Variants in LRRC9 observed in about 807,000 individuals in gnomAD.
LRRC9 encodes the protein leucine-rich repeat-containing protein 9.
LRRC9 carries 122 observed loss-of-function variants against 63.2 expected under a neutral mutation model. The observed-to-expected ratio is 1.93, with a 90% CI of 1.67 to 2.24. LRRC9 has a LOEUF of 2.24. Ranked by LOEUF, LRRC9 falls within the 30% of genes most tolerant of loss-of-function variation. The pLI is 0.00. For missense variants in LRRC9, 1,071 were observed against 627.7 expected, an observed-to-expected ratio of 1.71 and a Z score of -7.55; for synonymous variants, 366 against 213.1, an observed-to-expected ratio of 1.72 and a Z score of -6.25.
chr14:59,944,354 T>C (rs1327882526), intron 7 of LRRC9, among the ~76,000 whole-genome samples: 1 of 151,932 alleles, frequency 6.6e-6, no homozygotes, highest in Non-Finnish European at 1.5e-5. Context: ...TAAATGTGAA[T>C]ACGCCTCACA....
intron 4 of LRRC9, 119 bp downstream of exon 4, chr14:59,931,177 T>C (rs987391316): frequency 6.8e-6 from 2 of 295,494 alleles, no homozygotes; most frequent in Non-Finnish European, 1.2e-5. Flanking sequence ...AGTACAATTA[T>C]TGTTGTCAAA....
chr14:60,064,982 T>G (rs931618058), downstream of LRRC9, among the ~76,000 whole-genome samples: 6 of 152,238 alleles, frequency 3.9e-5, no homozygotes, highest in Non-Finnish European at 7.4e-5. Flanking sequence ...TATTTTCTTT[T>G]AGCCATTTTT....
In LRRC9 at chr14:59,932,649, A is replaced by G. The variant is rs1020926024; in HGVS notation, c.543+610A>G. ...CCTTCATACCCTCATCCAATCCATC[A>G]GCAAGTACAACTGGGTGCACCTTCA... On this transcript the variant is annotated intron_variant, in intron 6 of 31. Transcript: ENST00000445360. This position sits in a 1 kb window ranked among gnomAD's most constrained non-coding sequence, Gnocchi z 4.7. Among the ~76,000 whole-genome samples, 11 of 152,140 alleles carry G rather than the reference A, an allele frequency of 7.2e-5. No individual in the cohort carries two copies. The highest frequency in any genetic ancestry group is 2.0e-4 in the Admixed American group (3 of 15,256).
At chr14:59,946,080 T>C (rs972776139) in intron 8 of LRRC9, among the ~76,000 whole-genome samples, 3 of 151,498 alleles carry the variant, frequency 2.0e-5, no homozygotes, top group African/African-American at 7.3e-5. Context: ...TAAAAGGATA[T>C]ATATAAAAAT....
At chr14:60,050,019 CAG>C (rs1479028911) in intron 29 of LRRC9, among the ~76,000 whole-genome samples, 6 of 150,884 alleles carry the variant, frequency 4.0e-5, no homozygotes, top group Non-Finnish European at 4.4e-5. Flanking sequence ...TTATTTGAGA[CAG>C]AGTCTCACTC....
intron 28 of LRRC9, among the ~76,000 whole-genome samples, chr14:60,029,039 A>G (rs1266429249): frequency 6.6e-6 from 1 of 152,110 alleles, no homozygotes; most frequent in Non-Finnish European, 1.5e-5. Context: ...AAAATAGTAT[A>G]CAACTAATTT....
chr14:60,028,876 G>C (rs1165757939), intron 28 of LRRC9, among the ~76,000 whole-genome samples: 2 of 152,046 alleles, frequency 1.3e-5, no homozygotes, highest in African/African-American at 4.8e-5. Context: ...TACATAATAG[G>C]TACTCCATAA....
exon 24 of LRRC9, chr14:60,016,727 AACG>A: frequency 4.3e-6 from 3 of 701,438 alleles, no homozygotes; most frequent in Non-Finnish European, 5.2e-6. Flanking sequence ...ATGATTGCAG[AACG>A]ACAAGGACAT....
In LRRC9 at chr14:59,985,158, A is replaced by T. The variant is rs77067896; in HGVS notation, c.2145A>T (p.Leu715Phe). 1.2e-3 allele frequency: 833 copies of T among 693,874 alleles called. 7 individuals are homozygous for T. The East Asian group carries it at 0.015, about 13-fold the overall frequency. 43.0% of individuals were successfully genotyped at this position (693,874 alleles called of 1,614,324 possible). ...GTAAATTGAGAGATCTCTCCAAGTTAACAGGACTTCGAAAACTAAACATTA... is the reference window on the plus strand; with the variant it reads ...GTAAATTGAGAGATCTCTCCAAGTTTACAGGACTTCGAAAACTAAACATTA... The change falls in exon 17 of 32, where the codon TTA becomes TTT. Residue 715 changes from leucine to phenylalanine, a missense_variant. Physicochemically the swap from Leu to Phe is conservative, Grantham distance 22. Coordinates refer to ENST00000445360, the Ensembl canonical transcript of LRRC9.
At chr14:60,006,090 A>C (rs1566869437) in intron 21 of LRRC9, among the ~76,000 whole-genome samples, 1 of 152,108 alleles carries the variant, frequency 6.6e-6, no homozygotes, top group Non-Finnish European at 1.5e-5. Flanking sequence ...ATCTTAATTA[A>C]TTACATCATT....
At chr14:59,954,048 G>T (rs1883457919) in intron 8 of LRRC9, among the ~76,000 whole-genome samples, 1 of 152,152 alleles carries the variant, frequency 6.6e-6, no homozygotes, top group Non-Finnish European at 1.5e-5. Flanking sequence ...GTACCATGCT[G>T]TTCTGGTTAC....
At chr14:60,021,085 G>A (rs976477760) in intron 26 of LRRC9, among the ~76,000 whole-genome samples, 1 of 151,826 alleles carries the variant, frequency 6.6e-6, no homozygotes, top group African/African-American at 2.4e-5. Context: ...TTCCAAAATG[G>A]TTGCACCATT....
At chr14:59,937,595 T>G (rs1881172664) in intron 6 of LRRC9, among the ~76,000 whole-genome samples, 1 of 152,112 alleles carries the variant, frequency 6.6e-6, no homozygotes, top group Non-Finnish European at 1.5e-5. Flanking sequence ...AAGATAGGGC[T>G]TGGCACATTC....
intron 5 of LRRC9, 42 bp downstream of exon 5, chr14:59,931,724 C>T (rs1259954283): frequency 1.5e-6 from 1 of 651,732 alleles, no homozygotes; most frequent in East Asian, 2.7e-5. Context: ...ATGCTATAAT[C>T]ATTTTTTATC....
In LRRC9 at chr14:60,004,943, G is replaced by A. The variant is rs1362383869; in HGVS notation, c.2842+1145G>A. On this transcript the variant is annotated intron_variant, in intron 21 of 31. Coordinates refer to ENST00000445360, the Ensembl canonical transcript of LRRC9. This position sits in a 1 kb window ranked among gnomAD's most constrained non-coding sequence, Gnocchi z 4.8. ...AGAATATTTCTGTATGTGCATTTTG[G>A]TAACATGGTTGTGTTTGTCAAGGAG... Among the ~76,000 whole-genome samples the A allele has an allele frequency of 6.6e-6, 1 of 151,920 alleles. No homozygotes were observed. Among genetic ancestry groups the A allele is most frequent in the Non-Finnish European group, 1.5e-5 (1 of 67,892 alleles).
intron 7 of LRRC9, among the ~76,000 whole-genome samples, chr14:59,941,256 G>C (rs1191978952): frequency 6.6e-6 from 1 of 151,896 alleles, no homozygotes; most frequent in Non-Finnish European, 1.5e-5. Flanking sequence ...GTTGTTTTTT[G>C]TGGAAGATGG....
chr14:59,953,367 G>T (rs537747094), intron 8 of LRRC9, among the ~76,000 whole-genome samples: 5 of 152,220 alleles, frequency 3.3e-5, no homozygotes, highest in Admixed American at 3.3e-4. Context: ...GGTATGAGAT[G>T]GTATCTCATT....
intron 13 of LRRC9, among the ~76,000 whole-genome samples, chr14:59,974,994 G>C (rs1204901840): frequency 1.3e-4 from 18 of 135,906 alleles, no homozygotes; most frequent in East Asian, 2.2e-4. Context: ...GTCTGCTTTT[G>C]TTTATTATGT....
rs573506338 is a variant in LRRC9 at position 59,952,295 on chromosome 14, G to A, written c.883-7523G>A. Among the ~76,000 whole-genome samples the A allele has an allele frequency of 4.3e-4, 66 of 152,298 alleles. No individual in the cohort carries two copies. In the East Asian group the frequency reaches 8.3e-3, roughly 19 times the overall value. On this transcript the variant is annotated intron_variant, in intron 8 of 31. Coordinates refer to ENST00000445360, the Ensembl canonical transcript of LRRC9. ...CGTCCGTCACGCCTTTCTTTGACTC[G>A]GAAAGGGAACTCCCTGACCCCTTGC...
Sources: gnomAD v4.1 joint callset for allele counts (sites outside exome capture counted in the v4.1 genomes callset) on GRCh38, gnomAD v4.1.1 for gene constraint, Gnocchi (gnomAD v3.1) non-coding constraint, MANE v1.5 for transcripts, NCBI Gene and HGNC (gene_info 2026-07-23, HGNC 2026-07-21) for gene names.